Variants in CHLSN observed in about 807,000 individuals in gnomAD.
CHLSN encodes the protein protein cholesin.
the CHLSN span, among the ~76,000 whole-genome samples, chr7:1,070,671 G>GTGCACGATGCACATACA: frequency 2.3e-5 from 3 of 129,272 alleles, no homozygotes; most frequent in Non-Finnish European, 4.9e-5. Flanking sequence ...ACGCACATAC[G>GTGCACGATGCACATACA]CACACGTGCA....
the CHLSN span, among the ~76,000 whole-genome samples, chr7:1,083,934 G>A: frequency 2.6e-5 from 4 of 152,252 alleles, no homozygotes; most frequent in African/African-American, 7.2e-5. Context: ...CACGGCCTGC[G>A]TGCTTCTGAA....
chr7:997,916 C>A, the CHLSN span: 5 of 983,092 alleles, frequency 5.1e-6, no homozygotes, highest in South Asian at 1.5e-5. Context: ...TTCCGTCCTC[C>A]CACTGCGGCC....
chr7:1,016,939 CCAGCACACGCCAGCGCACAG>C, the CHLSN span, among the ~76,000 whole-genome samples: 8 of 58,918 alleles, frequency 1.4e-4, 1 homozygote, highest in South Asian at 6.1e-4. Flanking sequence ...GCAGCACACG[CCAGCACACGCCAGCGCACAG>C]CAGCACACGC....
At chr7:1,065,981 G>C in the CHLSN span, among the ~76,000 whole-genome samples, 1 of 152,210 alleles carries the variant, frequency 6.6e-6, no homozygotes, top group Non-Finnish European at 1.5e-5. Flanking sequence ...GCCCCACCAG[G>C]AGAGCAGGGG....
chr7:1,070,969 C>T, the CHLSN span, among the ~76,000 whole-genome samples: 6 of 150,366 alleles, frequency 4.0e-5, no homozygotes, highest in Admixed American at 3.3e-4. Flanking sequence ...GACACGCACA[C>T]GGGCACATGC....
the CHLSN span, chr7:1,092,312 C>T: frequency 1.2e-6 from 2 of 1,611,780 alleles, no homozygotes; most frequent in African/African-American, 1.3e-5. Flanking sequence ...CCCTTCACCG[C>T]CGTGCACCTG....
the CHLSN span, among the ~76,000 whole-genome samples, chr7:1,008,823 TACACA>T: frequency 8.8e-6 from 1 of 113,202 alleles, no homozygotes; most frequent in Non-Finnish European, 1.9e-5. Context: ...CACGCACATA[TACACA>T]ACGTGTATAC....
the CHLSN span, among the ~76,000 whole-genome samples, chr7:1,021,000 G>C: frequency 2.0e-5 from 3 of 151,284 alleles, no homozygotes; most frequent in Non-Finnish European, 4.4e-5. Flanking sequence ...GGTACCTCCA[G>C]GCTGGGGACC....
the CHLSN span, among the ~76,000 whole-genome samples, chr7:1,087,704 C>CA: frequency 6.6e-6 from 1 of 152,210 alleles, no homozygotes; most frequent in Non-Finnish European, 1.5e-5. Context: ...CTTCTCTCTG[C>CA]AAATGTCTGT....
the CHLSN span, among the ~76,000 whole-genome samples, chr7:987,831 G>C: frequency 6.6e-6 from 1 of 150,824 alleles, no homozygotes; most frequent in African/African-American, 2.5e-5. Context: ...TGTCCTGGGG[G>C]TCCCCTCTGT....
chr7:983,274 C>A, the CHLSN span: 2 of 1,543,732 alleles, frequency 1.3e-6, no homozygotes, highest in Non-Finnish European at 1.7e-6. Flanking sequence ...TCTGCGCCTG[C>A]GCCCAAGACC....
At chr7:1,077,499 A>C in the CHLSN span, among the ~76,000 whole-genome samples, 1 of 152,026 alleles carries the variant, frequency 6.6e-6, no homozygotes, top group Non-Finnish European at 1.5e-5. Flanking sequence ...GAGTGCTGGG[A>C]TTACAGGCGT....
At chr7:1,053,789 T>A in the CHLSN span, among the ~76,000 whole-genome samples, 1 of 152,192 alleles carries the variant, frequency 6.6e-6, no homozygotes, top group African/African-American at 2.4e-5. Flanking sequence ...ATCGTGCCAC[T>A]GCACTCCAGC....
the CHLSN span, chr7:1,055,565 A>C: frequency 4.9e-6 from 2 of 406,222 alleles, no homozygotes; most frequent in African/African-American, 4.1e-5. Flanking sequence ...GACGTGGGGG[A>C]CTCTGTGCAG....
At chr7:1,030,238 C>T in the CHLSN span, among the ~76,000 whole-genome samples, 6 of 152,212 alleles carry the variant, frequency 3.9e-5, no homozygotes, top group African/African-American at 1.4e-4. Context: ...CCACCCACCT[C>T]CATAAACGCG....
the CHLSN span, among the ~76,000 whole-genome samples, chr7:1,030,672 C>T: frequency 2.0e-5 from 3 of 152,166 alleles, no homozygotes; most frequent in Non-Finnish European, 4.4e-5. Flanking sequence ...AGGCTTGTGG[C>T]TTTGGGCAGG....
the CHLSN span, among the ~76,000 whole-genome samples, chr7:1,008,615 C>G: frequency 6.6e-6 from 1 of 152,146 alleles, no homozygotes; most frequent in African/African-American, 2.4e-5. Flanking sequence ...GCCTCAGCTC[C>G]GAGAAACAGG....
chr7:1,014,365 T>C, the CHLSN span, among the ~76,000 whole-genome samples: 3 of 152,212 alleles, frequency 2.0e-5, no homozygotes, highest in Non-Finnish European at 4.4e-5. Context: ...ATGACACTAA[T>C]TTGATTTTAA....
chr7:1,005,755 C>T, the CHLSN span, among the ~76,000 whole-genome samples: 7 of 152,250 alleles, frequency 4.6e-5, no homozygotes, highest in African/African-American at 7.2e-5. Flanking sequence ...GGCTGCCCCA[C>T]GGCAGGAGTG....
Sources: allele counts gnomAD v4.1 joint callset (sites outside exome capture counted in the v4.1 genomes callset), GRCh38; gene constraint gnomAD v4.1.1; transcripts MANE v1.5; gene names NCBI Gene and HGNC (gene_info 2026-07-23, HGNC 2026-07-21).